Variants in ZNF160 observed in about 807,000 individuals in gnomAD.
The protein encoded by ZNF160 is zinc finger protein 160, also known as KRAB zinc finger protein KR18.
ZNF160 carries 9 observed loss-of-function variants against 13.1 expected under a neutral mutation model. That is an observed-to-expected ratio of 0.69 (90% CI 0.41 to 1.20). The LOEUF (loss-of-function observed/expected upper bound fraction) is 1.20. ZNF160 is among the 50% of genes most tolerant of loss of function. ZNF160 has a pLI of 0.01. For synonymous variants in ZNF160, 293 were observed against 333.2 expected, an observed-to-expected ratio of 0.88 and a Z score of 1.31; for missense variants, 838 against 988.0, an observed-to-expected ratio of 0.85 and a Z score of 2.04.
At chr19:53,092,748 A>G (rs1224137631) in intron 1 of ZNF160, among the ~76,000 whole-genome samples, 1 of 152,230 alleles carries the variant, frequency 6.6e-6, no homozygotes, top group Non-Finnish European at 1.5e-5. Context: ...TTTGCCTCTC[A>G]CATCCCCACA....
In ZNF160 at chr19:53,070,104, G is replaced by A. The variant is rs1490863601; in HGVS notation, c.430C>T (p.Gln144Ter). 6.2e-7 allele frequency: 1 copy of A among 1,614,044 alleles called. No individual in the cohort carries two copies. Among genetic ancestry groups the A allele is most frequent in the Non-Finnish European group, 8.5e-7 (1 of 1,180,032 alleles). ...TAATTTCCTGTGTCATCTCTCCATT[G>A]ACACTCAAAATCATGCACATTTTTC... The part of the protein sequence containing the change: ...PQKNVHDFEC[Q>*]WRDDTGNYKG... The change falls in exon 6 of 6, where the codon CAA becomes TAA. Residue 144 changes from glutamine to a stop codon, truncating the protein, a stop_gained. Coordinates refer to ENST00000683776, the MANE Select transcript of ZNF160 (RefSeq NM_001322131.2). LOFTEE classifies it low-confidence loss of function (END_TRUNC).
intron 3 of ZNF160, among the ~76,000 whole-genome samples, chr19:53,083,641 T>C (rs329696): frequency 0.88 from 133,332 of 152,262 alleles, 58,477 homozygotes; most frequent in Middle Eastern, 0.93. Flanking sequence ...GGCTCATGCC[T>C]ATAATCCCAG....
chr19:53,102,735 G>A (rs184733161), intron 1 of ZNF160, among the ~76,000 whole-genome samples: 1 of 152,228 alleles, frequency 6.6e-6, no homozygotes, highest in East Asian at 1.9e-4. Context: ...TTCACTGGAG[G>A]GTTTGTAGTA....
chr19:53,082,302 T>C (rs531569707), intron 3 of ZNF160, among the ~76,000 whole-genome samples: 3 of 152,152 alleles, frequency 2.0e-5, no homozygotes, highest in Non-Finnish European at 2.9e-5. Context: ...TACGTACCAA[T>C]GTACACAAAA....
At position 53,098,810 on chromosome 19, in the gene ZNF160, C is replaced by T. The variant is rs566496179; in HGVS notation, c.-354+4455G>A. Among the ~76,000 whole-genome samples, 184 of 151,168 alleles carry T rather than the reference C, an allele frequency of 1.2e-3. 2 individuals carry two copies. The highest frequency in any genetic ancestry group is 4.4e-3 in the African/African-American group (178 of 40,534). ...CCGGTGATGTGTAGAGCGCGGAAGA[C>T]CCGGGAGCTGGAGTAAGGCGGTGGG... On this transcript the variant is annotated intron_variant, in intron 1 of 5. Transcript: ENST00000683776.
intron 2 of ZNF160, among the ~76,000 whole-genome samples, chr19:53,087,440 C>A (rs774466960): frequency 6.6e-6 from 1 of 152,132 alleles, no homozygotes. Context: ...TTAAACATGA[C>A]AAGAAGTTCA....
chr19:53,101,958 G>A (rs2085461200), intron 1 of ZNF160, among the ~76,000 whole-genome samples: 1 of 152,046 alleles, frequency 6.6e-6, no homozygotes, highest in Non-Finnish European at 1.5e-5. Context: ...CCTCTCACCT[G>A]GCCCCAGGGC....
chr19:53,095,168 C>T (rs1212931956), intron 1 of ZNF160, among the ~76,000 whole-genome samples: 1 of 139,024 alleles, frequency 7.2e-6, no homozygotes, highest in Non-Finnish European at 1.6e-5. Flanking sequence ...CTCACCCCGC[C>T]CCCTCCCCAC....
rs764598337 is a variant in ZNF160, at chr19:53,069,740, G to A, written c.794C>T (p.Ala265Val). 20 of 1,613,864 alleles carry A rather than the reference G, an allele frequency of 1.2e-5. No homozygotes were observed. Among genetic ancestry groups the A allele is most frequent in the East Asian group, 1.1e-4 (5 of 44,876 alleles). ...KPYKCNECGKAFTQNSNLTSH... is the reference protein window; with the variant it reads ...KPYKCNECGKVFTQNSNLTSH... ...TGTAAGGTTCGAATTCTGAGTGAAC[G>A]CCTTGCCACATTCATTACATTTATA... Residue 265 changes from alanine to valine, a missense_variant, in exon 6 of 6, where the codon GCG becomes GTG. Physicochemically the swap from Ala to Val is moderately conservative, Grantham distance 64. Transcript: ENST00000683776. This position sits in a 1 kb window ranked among gnomAD's most constrained non-coding sequence, Gnocchi z 4.4.
At chr19:53,080,692 C>T (rs1016801640) in intron 3 of ZNF160, among the ~76,000 whole-genome samples, 4 of 152,174 alleles carry the variant, frequency 2.6e-5, no homozygotes, top group African/African-American at 9.6e-5. Flanking sequence ...AAATGACCAA[C>T]ATCACTTTTC....
At chr19:53,090,147 C>T (rs1687242182) in intron 2 of ZNF160, among the ~76,000 whole-genome samples, 1 of 151,986 alleles carries the variant, frequency 6.6e-6, no homozygotes, top group South Asian at 2.1e-4. Flanking sequence ...CCTCTGCTCT[C>T]CTTGTCACCA....
chr19:53,085,346 T>C (rs1297035374), intron 3 of ZNF160: 1 of 356,224 alleles, frequency 2.8e-6, no homozygotes, highest in Admixed American at 6.4e-5. Context: ...GCACTGACCC[T>C]TCCCACAGAA....
At chr19:53,072,105 C>CT (rs66465576) in intron 5 of ZNF160, among the ~76,000 whole-genome samples, 33,552 of 141,444 alleles carry the variant, frequency 0.24, 4,038 homozygotes, top group African/African-American at 0.29. Flanking sequence ...TTCTTTCTTT[C>CT]TTTTTTTTTT....
chr19:53,073,572 G>A, intron 5 of ZNF160: 6 of 1,513,766 alleles, frequency 4.0e-6, no homozygotes, highest in Non-Finnish European at 5.3e-6. Context: ...TAAGGACTAT[G>A]GAGGCTTCCC....
In ZNF160 at chr19:53,068,340, GTT is replaced by G; in HGVS notation, c.2192_2193del (p.Lys731ThrfsTer5). ...TTGCCACATTCATTACATTTGTAAG[GTT>G]TTTTCCCAGTATGGATTGCCTGATG... is the stretch of plus-strand genomic sequence containing the variant. ...TTHQAIHTGK[K>X]PYKCNECGKV... On this transcript the variant is annotated frameshift_variant, in exon 6 of 6. Transcript: ENST00000683776. LOFTEE classifies it low-confidence loss of function (END_TRUNC). 1 of 1,614,126 alleles carries G rather than the reference GTT, an allele frequency of 6.2e-7. No individual in the cohort carries two copies. Among genetic ancestry groups the G allele is most frequent in the East Asian group, 2.2e-5 (1 of 44,876 alleles).
chr19:53,069,579 C>A lies in ZNF160; in HGVS notation c.955G>T (p.Gly319Cys). The change falls in exon 6 of 6, where the codon GGC (glycine) becomes TGC (cysteine). Residue 319 changes from glycine (G) to cysteine (C), a missense_variant. Coordinates refer to ENST00000683776, the MANE Select transcript of ZNF160 (RefSeq NM_001322131.2). The surrounding 1 kb of genome is among the most constrained non-coding windows in gnomAD (Gnocchi z 4.4). The part of the protein sequence containing the change: ...GEKPYKCHEC[G>C]KVFRHNSYLA... Reference sequence around the variant, plus strand: ...TATGAATTGTGCCTGAAGACCTTGCCACACTCATGACATTTGTAAGGTTTT... The same window carrying A: ...TATGAATTGTGCCTGAAGACCTTGCAACACTCATGACATTTGTAAGGTTTT... 6.2e-7 allele frequency: 1 copy of A among 1,614,044 alleles called. No individual in the cohort carries two copies.
intron 1 of ZNF160, among the ~76,000 whole-genome samples, chr19:53,098,385 A>G (rs1375038959): frequency 1.3e-5 from 2 of 152,050 alleles, no homozygotes; most frequent in East Asian, 3.9e-4. Context: ...GCCTCTGGAC[A>G]CAAGCGATGC....
intron 3 of ZNF160, among the ~76,000 whole-genome samples, chr19:53,077,956 C>T (rs574939404): frequency 3.3e-5 from 5 of 151,912 alleles, no homozygotes; most frequent in Admixed American, 2.0e-4. Flanking sequence ...AAAAAACACA[C>T]TAGAGCCAGG....
At chr19:53,090,636 C>A (rs1415758532) in intron 2 of ZNF160, among the ~76,000 whole-genome samples, 1 of 152,102 alleles carries the variant, frequency 6.6e-6, no homozygotes, top group African/African-American at 2.4e-5. Flanking sequence ...AACGCTGGGT[C>A]AGAGGAAGCC....
Sources: allele counts gnomAD v4.1 joint callset (sites outside exome capture counted in the v4.1 genomes callset), GRCh38; gene constraint gnomAD v4.1.1; non-coding constraint Gnocchi (gnomAD v3.1); transcripts MANE v1.5; gene names NCBI Gene and HGNC (gene_info 2026-07-23, HGNC 2026-07-21).